FER1L6: variants seen among roughly 807,000 people sequenced by gnomAD.
FER1L6 encodes the protein fer-1 like family member 6.
Under a neutral mutation model 219.2 loss-of-function variants are expected in FER1L6, and 177 were observed. That is an observed-to-expected ratio of 0.81 (90% CI 0.71 to 0.91). FER1L6 has a LOEUF of 0.91. FER1L6 is among the 40% of genes least tolerant of loss of function. The pLI, the probability that FER1L6 is intolerant of heterozygous loss-of-function variation, is 0.00. For synonymous variants in FER1L6, 768 were observed against 824.3 expected (o/e 0.93, Z 1.17); for missense variants, 2,153 against 2,259.9 (o/e 0.95, Z 0.96).
rs140979992 is a variant in FER1L6 at position 124,052,693 on chromosome 8, C to A, written c.2874+2937C>A. ...CCAGCTACTCCGGAGGCTGAGGCGC[C>A]TGAATCACTTGAACCCAGGAGGCAG... On this transcript the variant is annotated intron_variant, in intron 22 of 40. Coordinates refer to ENST00000522917, the MANE Select transcript of FER1L6 (RefSeq NM_001039112.2). Among the ~76,000 whole-genome samples, 1,313 of 152,050 alleles carry A rather than the reference C, an allele frequency of 8.6e-3. 9 individuals carry two copies. Among genetic ancestry groups the A allele is most frequent in the Non-Finnish European group, 0.013 (880 of 67,962 alleles).
chr8:124,074,224 G>A (rs1484264135), intron 31 of FER1L6, among the ~76,000 whole-genome samples: 2 of 152,172 alleles, frequency 1.3e-5, no homozygotes, highest in Non-Finnish European at 2.9e-5. Flanking sequence ...TCATTCAACT[G>A]GTCAGTGCTA....
In FER1L6 at chr8:124,046,657, C is replaced by T. The variant is rs1443927297; in HGVS notation, c.2724+756C>T. ...AGGAAGCCTGCCTAAAGCTTCCCCA[C>T]CTCCTCGCAGTACTCCTGACAGCCC... On this transcript the variant is annotated intron_variant, in intron 21 of 40. Transcript: ENST00000522917. 55 of 152,216 alleles carry T rather than the reference C, an allele frequency of 3.6e-4. 1 individual carries two copies. The highest frequency in any genetic ancestry group is 7.3e-5 in the Non-Finnish European group (5 of 68,042). 9.4% of individuals were successfully genotyped at this position (152,216 alleles called of 1,614,324 possible).
In FER1L6 at chr8:124,111,725, A is replaced by C. The variant is rs1823030438; in HGVS notation, c.5290-7119A>C. Among the ~76,000 whole-genome samples the C allele has an allele frequency of 6.6e-6, 1 of 152,052 alleles. No individual in the cohort carries two copies. Among genetic ancestry groups the C allele is most frequent in the Non-Finnish European group, 1.5e-5 (1 of 67,998 alleles). ...TGGCACTCGCCGGTGGGAGTGTAGC[A>C]GTGAGGATGACCAGAGGTCACTCTT... On this transcript the variant is annotated intron_variant, in intron 39 of 40. Coordinates refer to ENST00000522917, the MANE Select transcript of FER1L6 (RefSeq NM_001039112.2). This position sits in a 1 kb window ranked among gnomAD's most constrained non-coding sequence, Gnocchi z 5.0.
intron 1 of FER1L6, among the ~76,000 whole-genome samples, chr8:123,877,167 A>C (rs1033817809): frequency 6.6e-6 from 1 of 152,206 alleles, no homozygotes; most frequent in Non-Finnish European, 1.5e-5. Flanking sequence ...AAAATGATGA[A>C]ATTCACATGA....
Position 123,978,713 on chromosome 8 carries a change from T to C in FER1L6, c.1063+1104T>C, listed in dbSNP as rs572966221. 3.9e-5 allele frequency among the ~76,000 whole-genome samples: 6 copies of C among 152,316 alleles called. No homozygotes were observed. In the East Asian group the frequency reaches 7.7e-4, roughly 20 times the overall value. ...TCACATATCATCTGTATATGGTTAA[T>C]GTAATTATTTTAATTTTTTACTTGA... On this transcript the variant is annotated intron_variant, in intron 10 of 40. Coordinates refer to ENST00000522917, the MANE Select transcript of FER1L6 (RefSeq NM_001039112.2).
chr8:123,941,985 G>T (rs1189638313), intron 1 of FER1L6, among the ~76,000 whole-genome samples: 1 of 152,034 alleles, frequency 6.6e-6, no homozygotes, highest in Non-Finnish European at 1.5e-5. Context: ...CTTTGATTCC[G>T]AGTGGAATCA....
At chr8:123,912,030 G>A (rs903139225) in intron 1 of FER1L6, among the ~76,000 whole-genome samples, 2 of 152,046 alleles carry the variant, frequency 1.3e-5, no homozygotes, top group Non-Finnish European at 2.9e-5. Context: ...AGCAAATAAG[G>A]GAGTGCACTG....
intron 1 of FER1L6, among the ~76,000 whole-genome samples, chr8:123,905,298 T>C (rs560265629): frequency 3.3e-5 from 5 of 152,324 alleles, no homozygotes; most frequent in African/African-American, 1.2e-4. Context: ...GTTCTCATTG[T>C]TCGGCTCCCA....
At chr8:123,873,408 A>T (rs1463587715) in intron 1 of FER1L6, among the ~76,000 whole-genome samples, 1 of 152,114 alleles carries the variant, frequency 6.6e-6, no homozygotes, top group Non-Finnish European at 1.5e-5. Context: ...CTGTAATGAA[A>T]ACCTGTTTCT....
intron 1 of FER1L6, among the ~76,000 whole-genome samples, chr8:123,926,612 G>A (rs186583498): frequency 1.4e-3 from 218 of 152,240 alleles, no homozygotes; most frequent in African/African-American, 5.1e-3. Flanking sequence ...AAGACTTTAG[G>A]GGGTAGAATA....
At chr8:124,005,090 C>A (rs1282783211) in intron 13 of FER1L6, among the ~76,000 whole-genome samples, 1 of 152,066 alleles carries the variant, frequency 6.6e-6, no homozygotes, top group African/African-American at 2.4e-5. Flanking sequence ...TTAAGTATTT[C>A]TCATATATAG....
chr8:123,966,091 C>A, intron 4 of FER1L6, 30 bp downstream of exon 4: 1 of 1,613,494 alleles, frequency 6.2e-7, no homozygotes, highest in Non-Finnish European at 8.5e-7. Context: ...TGCCCAGCCT[C>A]CCCCAGTGCT....
intron 33 of FER1L6, among the ~76,000 whole-genome samples, chr8:124,087,245 T>A (rs543140270): frequency 6.6e-6 from 1 of 152,258 alleles, no homozygotes; most frequent in South Asian, 2.1e-4. Flanking sequence ...GTTTTCTAGA[T>A]CTTGTAGGCA....
intron 12 of FER1L6, among the ~76,000 whole-genome samples, chr8:123,993,435 C>T (rs1235933723): frequency 2.7e-5 from 4 of 145,760 alleles, no homozygotes; most frequent in Admixed American, 6.8e-5. Context: ...GAGCGAGACT[C>T]CGTCTCAAAA....
At chr8:123,947,299 A>C (rs984844341) in intron 1 of FER1L6, among the ~76,000 whole-genome samples, 2 of 152,080 alleles carry the variant, frequency 1.3e-5, no homozygotes, top group Non-Finnish European at 2.9e-5. Flanking sequence ...TGCATTAGAA[A>C]AGGAAGTGAT....
chr8:124,009,038 T>A (rs754327043), intron 13 of FER1L6, among the ~76,000 whole-genome samples: 14 of 152,146 alleles, frequency 9.2e-5, no homozygotes, highest in South Asian at 2.1e-4. Context: ...AAAAAATAGA[T>A]GTTGGCATGA....
At chr8:123,904,224 T>TGTGTGTGTG (rs1812910195) in intron 1 of FER1L6, among the ~76,000 whole-genome samples, 3 of 139,486 alleles carry the variant, frequency 2.2e-5, no homozygotes, top group South Asian at 2.4e-4. Context: ...CTCTGTATAT[T>TGTGTGTGTG]TGTGTGTGTG....
At chr8:123,945,028 A>G (rs1814426231) in intron 1 of FER1L6, among the ~76,000 whole-genome samples, 1 of 152,178 alleles carries the variant, frequency 6.6e-6, no homozygotes, top group African/African-American at 2.4e-5. Context: ...CCCATCATAG[A>G]TTGGGGATCA....
chr8:123,908,686 C>T (rs1813000979), intron 1 of FER1L6, among the ~76,000 whole-genome samples: 1 of 152,156 alleles, frequency 6.6e-6, no homozygotes, highest in Admixed American at 6.5e-5. Flanking sequence ...TAAGATTGCT[C>T]ATAACCTAGT....
Sources: gnomAD v4.1 joint callset for allele counts (sites outside exome capture counted in the v4.1 genomes callset) on GRCh38, gnomAD v4.1.1 for gene constraint, Gnocchi (gnomAD v3.1) non-coding constraint, MANE v1.5 for transcripts, NCBI Gene and HGNC (gene_info 2026-07-23, HGNC 2026-07-21) for gene names.